The following AKT3 variants were observed in gnomAD, a reference collection of about 807,000 sequenced individuals.
AKT3 encodes the protein RAC-gamma serine/threonine-protein kinase.
A neutral mutation model predicts 65.3 loss-of-function variants in AKT3; 15 were observed. That is an observed-to-expected ratio of 0.23 (90% CI 0.15 to 0.35). The LOEUF is 0.35. Ranked by LOEUF, AKT3 falls within the 10% of genes least tolerant of loss-of-function variation. The pLI, the probability that AKT3 is intolerant of heterozygous loss-of-function variation, is 1.00. For synonymous variants in AKT3, 206 were observed against 183.8 expected (o/e 1.12, Z -0.98); for missense variants, 243 against 576.5 (o/e 0.42, Z 5.92).
At chr1:243,694,323 GTTC>G (rs2148020907) in intron 3 of AKT3, among the ~76,000 whole-genome samples, 1 of 152,150 alleles carries the variant, frequency 6.6e-6, no homozygotes, top group African/African-American at 2.4e-5. Flanking sequence ...ATGAAAATCT[GTTC>G]TTAAGTCAAT....
chr1:243,711,855 C>T (rs1038742811), intron 2 of AKT3, among the ~76,000 whole-genome samples: 1 of 152,062 alleles, frequency 6.6e-6, no homozygotes, highest in Non-Finnish European at 1.5e-5. Flanking sequence ...GACATTCTGC[C>T]TTTAATATTT....
At chr1:243,718,699 T>A (rs1204280124) in intron 2 of AKT3, among the ~76,000 whole-genome samples, 1 of 151,968 alleles carries the variant, frequency 6.6e-6, no homozygotes, top group Non-Finnish European at 1.5e-5. Flanking sequence ...GGTCTCGATC[T>A]CCTGACCTCG....
intron 12 of AKT3, among the ~76,000 whole-genome samples, chr1:243,526,639 A>G (rs1231660538): frequency 6.6e-6 from 1 of 152,108 alleles, no homozygotes; most frequent in Non-Finnish European, 1.5e-5. Context: ...CAAGGAAGAA[A>G]TATTTAAATA....
chr1:243,775,623 C>A (rs2148291908), intron 2 of AKT3, among the ~76,000 whole-genome samples: 1 of 152,254 alleles, frequency 6.6e-6, no homozygotes, highest in South Asian at 2.1e-4. Context: ...AATAGGAATT[C>A]TTAACAGCTC....
chr1:243,672,838 G>T (rs912627100), intron 3 of AKT3, among the ~76,000 whole-genome samples: 1 of 152,030 alleles, frequency 6.6e-6, no homozygotes, highest in African/African-American at 2.4e-5. Flanking sequence ...ACCGAATCCT[G>T]CCTCTAATTA....
At chr1:243,695,759 C>G (rs370256445) in intron 2 of AKT3, 43 bp from the exon 3 acceptor site, 232 of 1,527,082 alleles carry the variant, frequency 1.5e-4, no homozygotes, top group Non-Finnish European at 2.0e-4. Flanking sequence ...AAAAAATGAA[C>G]AGCAGCTTTT....
chr1:243,489,858 A>G (rs1574380947), intron 13 of AKT3, among the ~76,000 whole-genome samples: 1 of 152,278 alleles, frequency 6.6e-6, no homozygotes, highest in East Asian at 1.9e-4. Flanking sequence ...AGCAGGGAAA[A>G]GGGAGGAAGG....
chr1:243,800,806 A>G (rs556358090), intron 2 of AKT3, among the ~76,000 whole-genome samples: 30 of 152,318 alleles, frequency 2.0e-4, no homozygotes, highest in Admixed American at 1.9e-3. Context: ...TTAAGACAGT[A>G]TCACCCAACT....
chr1:243,532,834 C>A (rs561948019), intron 12 of AKT3, among the ~76,000 whole-genome samples: 2 of 152,022 alleles, frequency 1.3e-5, no homozygotes, highest in African/African-American at 4.8e-5. Context: ...TTAAGAGTTA[C>A]GGGGTCTATT....
chr1:243,837,000 A>G (rs1387681735), intron 2 of AKT3, among the ~76,000 whole-genome samples: 1 of 152,020 alleles, frequency 6.6e-6, no homozygotes, highest in Non-Finnish European at 1.5e-5. Context: ...TAATTTACCA[A>G]TATCAGGATT....
intron 2 of AKT3, among the ~76,000 whole-genome samples, chr1:243,712,871 T>A (rs572696930): frequency 6.6e-6 from 1 of 152,236 alleles, no homozygotes; most frequent in Non-Finnish European, 1.5e-5. Context: ...CAAGAATGTA[T>A]CAGAAGGAAA....
At chr1:243,790,557 C>T (rs1394112369) in intron 2 of AKT3, among the ~76,000 whole-genome samples, 7 of 152,184 alleles carry the variant, frequency 4.6e-5, no homozygotes, top group Admixed American at 3.3e-4. Context: ...ATCAGCAATA[C>T]GGCTGTTTCG....
intron 1 of AKT3, 166 bp from the exon 2 acceptor site, chr1:243,843,448 C>G: frequency 9.3e-7 from 1 of 1,080,316 alleles, no homozygotes; most frequent in South Asian, 4.5e-5. Context: ...ATAATGAAAG[C>G]ACTTCCCTAG....
In AKT3 at chr1:243,664,561, A is replaced by G. The variant is rs114152031; in HGVS notation, c.284+211T>C. Among the ~76,000 whole-genome samples the G allele has an allele frequency of 0.018, 2,681 of 152,244 alleles. 43 individuals are homozygous for G. The highest frequency in any genetic ancestry group is 0.028 in the Non-Finnish European group (1,879 of 68,006). On this transcript the variant is annotated intron_variant, in intron 4 of 13. Transcript: ENST00000673466. ...TTAAATGTTCTGTTTCTCTGAAAGTATATCTTCTAGCATGCCCAGAGGTTC... is the reference window on the plus strand; with the variant it reads ...TTAAATGTTCTGTTTCTCTGAAAGTGTATCTTCTAGCATGCCCAGAGGTTC...
chr1:243,759,995 G>C (rs1689384297), intron 2 of AKT3, among the ~76,000 whole-genome samples: 1 of 152,152 alleles, frequency 6.6e-6, no homozygotes, highest in Non-Finnish European at 1.5e-5. Flanking sequence ...GCACAGATCT[G>C]CACCCTAGAT....
At chr1:243,517,396 T>G (rs557255759) in intron 12 of AKT3, among the ~76,000 whole-genome samples, 1 of 152,360 alleles carries the variant, frequency 6.6e-6, no homozygotes, top group South Asian at 2.1e-4. Context: ...TATCAATTAT[T>G]TGAAGATGGA....
At chr1:243,563,138 C>A (rs935100534) in intron 10 of AKT3, among the ~76,000 whole-genome samples, 1 of 152,148 alleles carries the variant, frequency 6.6e-6, no homozygotes, top group Non-Finnish European at 1.5e-5. Context: ...CCTGTAACCA[C>A]ATCATCCAGA....
At chr1:243,575,571 C>A (rs1171501096) in intron 8 of AKT3, among the ~76,000 whole-genome samples, 4 of 151,952 alleles carry the variant, frequency 2.6e-5, no homozygotes, top group African/African-American at 4.8e-5. Context: ...GAAGAGGACA[C>A]AGGTATTGAT....
At chr1:243,822,085 C>CA (rs1357882725) in intron 2 of AKT3, among the ~76,000 whole-genome samples, 2 of 152,180 alleles carry the variant, frequency 1.3e-5, no homozygotes, top group African/African-American at 4.8e-5. Context: ...GTCTCTCAGA[C>CA]AACAGCACAA....
Sources: gnomAD v4.1 joint callset for allele counts (sites outside exome capture counted in the v4.1 genomes callset) on GRCh38, gnomAD v4.1.1 for gene constraint, MANE v1.5 for transcripts, NCBI Gene and HGNC (gene_info 2026-07-23, HGNC 2026-07-21) for gene names.